Variants in PTPRQ observed in about 807,000 individuals in gnomAD.
The protein encoded by PTPRQ is protein tyrosine phosphatase receptor type Q.
PTPRQ carries 199 observed loss-of-function variants against 246.0 expected under a neutral mutation model. That is an observed-to-expected ratio of 0.81 (90% CI 0.72 to 0.91). The LOEUF is 0.91. Among genes scored for constraint, PTPRQ ranks in the 40% least tolerant of loss-of-function variants. The pLI is 0.00. For synonymous variants in PTPRQ, 869 were observed against 853.2 expected, an observed-to-expected ratio of 1.02 and a Z score of -0.32; for missense variants, 2,624 against 2,528.4, an observed-to-expected ratio of 1.04 and a Z score of -0.81.
At chr12:80,639,901 C>G (rs1033511371) in intron 35 of PTPRQ, among the ~76,000 whole-genome samples, 4 of 152,156 alleles carry the variant, frequency 2.6e-5, no homozygotes, top group African/African-American at 9.6e-5. Flanking sequence ...ACACCTATCC[C>G]CATTTTACAG....
chr12:80,503,945 T>A (rs12306482), intron 14 of PTPRQ, among the ~76,000 whole-genome samples: 2 of 76,004 alleles, frequency 2.6e-5, no homozygotes, highest in African/African-American at 2.0e-4. Context: ...ATGTAGAAGA[T>A]TTTTTTTTTC....
At chr12:80,500,072 A>G (rs1430520222) in intron 14 of PTPRQ, among the ~76,000 whole-genome samples, 3 of 151,934 alleles carry the variant, frequency 2.0e-5, no homozygotes, top group Non-Finnish European at 4.4e-5. Context: ...ACCCCCATAA[A>G]TTTATTTGTA....
At chr12:80,489,876 C>T (rs1164833239) in intron 9 of PTPRQ, among the ~76,000 whole-genome samples, 1 of 151,904 alleles carries the variant, frequency 6.6e-6, no homozygotes, top group Non-Finnish European at 1.5e-5. Flanking sequence ...ACATTTTTCT[C>T]CAACAGACAT....
At chr12:80,493,563 G>T (rs1005673104) in intron 10 of PTPRQ, 108 bp downstream of exon 10, 1 of 1,371,240 alleles carries the variant, frequency 7.3e-7, no homozygotes, top group Non-Finnish European at 9.4e-7. Flanking sequence ...TGGTCTTTGG[G>T]CTGGAGTCGG....
At chr12:80,630,067 A>T (rs1899367044) in intron 33 of PTPRQ, among the ~76,000 whole-genome samples, 1 of 152,160 alleles carries the variant, frequency 6.6e-6, no homozygotes, top group Non-Finnish European at 1.5e-5. Flanking sequence ...ATTAAACTTA[A>T]CAATAAATTA....
intron 39 of PTPRQ, among the ~76,000 whole-genome samples, chr12:80,659,475 T>A (rs1222409447): frequency 6.6e-6 from 1 of 152,110 alleles, no homozygotes; most frequent in Admixed American, 6.6e-5. Context: ...ATTTGTATCA[T>A]TTTTTATTCA....
chr12:80,467,810 G>A (rs1893483826), intron 6 of PTPRQ, among the ~76,000 whole-genome samples: 1 of 151,306 alleles, frequency 6.6e-6, no homozygotes, highest in African/African-American at 2.4e-5. Flanking sequence ...TGAACAATGA[G>A]AACACATGGA....
At position 80,506,669 on chromosome 12, in the gene PTPRQ, T is replaced by C. The variant is rs1803465181; in HGVS notation, c.2556T>C (p.Asp852=). 1.3e-6 allele frequency: 2 copies of C among 1,539,794 alleles called. No homozygotes were observed. The highest frequency in any genetic ancestry group is 1.8e-6 in the Non-Finnish European group (2 of 1,139,872). The change falls in exon 16 of 45, where the codon GAT becomes GAC. Residue 852 remains aspartate (D), a splice_region_variant and synonymous_variant. Transcript: ENST00000644991. The part of the protein sequence containing the change: ...SAPISILTEE[D]APDSPPQDFS... The stretch of plus-strand genomic sequence containing the variant: ...CCATAAGTATACTGACGGAGGAAGA[T>C]GGTAAATATAATAGTGGATATTGAT...
chr12:80,610,061 G>T (rs141751302), intron 27 of PTPRQ, among the ~76,000 whole-genome samples: 1 of 150,506 alleles, frequency 6.6e-6, no homozygotes, highest in African/African-American at 2.4e-5. Flanking sequence ...AAATACTACA[G>T]GAGCTATAAG....
intron 16 of PTPRQ, among the ~76,000 whole-genome samples, chr12:80,507,542 T>C (rs1384648141): frequency 1.3e-5 from 2 of 151,908 alleles, no homozygotes; most frequent in African/African-American, 2.4e-5. Flanking sequence ...GGGAGACTTT[T>C]CCCTGCATTG....
At chr12:80,657,633 T>C (rs1045930957) in intron 38 of PTPRQ, among the ~76,000 whole-genome samples, 3 of 151,832 alleles carry the variant, frequency 2.0e-5, no homozygotes, top group Non-Finnish European at 4.4e-5. Context: ...AAATACTGTA[T>C]AGCTTTTAAA....
At chr12:80,538,856 A>G (rs1252160754) in intron 19 of PTPRQ, among the ~76,000 whole-genome samples, 3 of 151,948 alleles carry the variant, frequency 2.0e-5, no homozygotes, top group Non-Finnish European at 4.4e-5. Context: ...TGAAGTGGAG[A>G]TGATTATTTC....
chr12:80,643,152 A>G (rs978814390), intron 35 of PTPRQ, among the ~76,000 whole-genome samples: 1 of 151,174 alleles, frequency 6.6e-6, no homozygotes, highest in Non-Finnish European at 1.5e-5. Context: ...AAAAAGTATT[A>G]CATGGCCAGG....
intron 25 of PTPRQ, among the ~76,000 whole-genome samples, chr12:80,569,715 C>T (rs531099099): frequency 6.6e-6 from 1 of 151,894 alleles, no homozygotes; most frequent in Admixed American, 6.6e-5. Flanking sequence ...TTAGGTACTC[C>T]TCCTAATGCT....
intron 9 of PTPRQ, among the ~76,000 whole-genome samples, chr12:80,491,328 C>T (rs1894443459): frequency 6.6e-6 from 1 of 151,902 alleles, no homozygotes; most frequent in Non-Finnish European, 1.5e-5. Context: ...GTGGAAACAG[C>T]TGTGTGGTTT....
At chr12:80,466,659 A>C (rs571848695) in intron 6 of PTPRQ, among the ~76,000 whole-genome samples, 3 of 152,318 alleles carry the variant, frequency 2.0e-5, no homozygotes, top group Non-Finnish European at 4.4e-5. Context: ...CAAAACAGAG[A>C]TATAGATCAG....
chr12:80,571,718 A>G (rs1283114383), intron 25 of PTPRQ, among the ~76,000 whole-genome samples: 1 of 152,092 alleles, frequency 6.6e-6, no homozygotes, highest in Non-Finnish European at 1.5e-5. Flanking sequence ...AAGTGATTCA[A>G]AGTTTTTTTT....
intron 38 of PTPRQ, among the ~76,000 whole-genome samples, chr12:80,657,077 A>G (rs955698997): frequency 2.6e-5 from 4 of 151,888 alleles, no homozygotes; most frequent in African/African-American, 7.2e-5. Context: ...GGCAAAATTG[A>G]TAGACAAATT....
intron 7 of PTPRQ, 129 bp from the exon 8 acceptor site, chr12:80,471,976 G>T: frequency 9.0e-7 from 1 of 1,115,874 alleles, no homozygotes; most frequent in Non-Finnish European, 1.2e-6. Flanking sequence ...ATGCAGTTTT[G>T]ATATTATAAT....
Sources: allele counts gnomAD v4.1 joint callset (sites outside exome capture counted in the v4.1 genomes callset), GRCh38; gene constraint gnomAD v4.1.1; transcripts MANE v1.5; gene names NCBI Gene and HGNC (gene_info 2026-07-23, HGNC 2026-07-21).